Variants in OR8B2 observed in about 807,000 individuals in gnomAD.
OR8B2 encodes olfactory receptor family 8 subfamily B member 2, also known as olfactory receptor 8B2.
For missense variants in OR8B2, 304 were observed against 379.6 expected (o/e 0.80, Z 1.65); for synonymous variants, 98 against 138.2 (o/e 0.71, Z 2.04).
At chr11:124,395,285 C>A in the OR8B2 span, among the ~76,000 whole-genome samples, 2 of 151,764 alleles carry the variant, frequency 1.3e-5, no homozygotes, top group Non-Finnish European at 2.9e-5. Context: ...AAAAACAAAA[C>A]AAAACAAAAC....
At chr11:124,391,586 A>G in the OR8B2 span, among the ~76,000 whole-genome samples, 1 of 152,224 alleles carries the variant, frequency 6.6e-6, no homozygotes, top group Non-Finnish European at 1.5e-5. Context: ...ATCTCTGAAT[A>G]GACCAATAAC....
At chr11:124,397,059 A>G in the OR8B2 span, 1 of 1,613,862 alleles carries the variant, frequency 6.2e-7, no homozygotes. Flanking sequence ...CAGCTGAGTC[A>G]TGCACCCAAC....
At chr11:124,393,313 C>G in the OR8B2 span, among the ~76,000 whole-genome samples, 1 of 147,456 alleles carries the variant, frequency 6.8e-6, no homozygotes, top group Non-Finnish European at 1.5e-5. Flanking sequence ...AAACTACCAT[C>G]AGAATGAACA....
upstream of OR8B2, among the ~76,000 whole-genome samples, chr11:124,386,778 TG>T (rs1429424504): frequency 1.3e-5 from 2 of 152,188 alleles, no homozygotes; most frequent in African/African-American, 4.8e-5. Flanking sequence ...TACCCAGTAA[TG>T]GGATGGCTAG....
the OR8B2 span, among the ~76,000 whole-genome samples, chr11:124,394,509 A>G: frequency 6.6e-6 from 1 of 152,210 alleles, no homozygotes; most frequent in Admixed American, 6.5e-5. Flanking sequence ...ATCTCAGACC[A>G]TAGAGCAGTT....
the OR8B2 span, among the ~76,000 whole-genome samples, chr11:124,389,898 T>C: frequency 1.3e-5 from 2 of 152,122 alleles, no homozygotes; most frequent in East Asian, 3.9e-4. Context: ...TATACAGATA[T>C]TGGAAGGGGG....
the OR8B2 span, chr11:124,396,987 C>T: frequency 2.5e-6 from 4 of 1,613,390 alleles, no homozygotes; most frequent in African/African-American, 2.7e-5. Flanking sequence ...GGCCACATAG[C>T]GATCATATGC....
chr11:124,382,807 A>C lies in OR8B2; in HGVS notation c.537T>G (p.Cys179Trp). 1 of 1,603,656 alleles carries C rather than the reference A, an allele frequency of 6.2e-7. No individual in the cohort carries two copies. The highest frequency in any genetic ancestry group is 8.5e-7 in the Non-Finnish European group (1 of 1,171,444). The change falls in exon 2 of 2, where the codon TGT (cysteine) becomes TGG (tryptophan). Residue 179 changes from cysteine (C) to tryptophan (W), a missense_variant. Coordinates refer to ENST00000641451, the MANE Select transcript of OR8B2 (RefSeq NM_001005468.2). ...CSANIINHYL[C>W]DILPLLQLSC... The stretch of plus-strand genomic sequence containing the variant: ...AAAGCTGGAGGAGGGGGAGTATGTC[A>C]CACAAGTAATGGTTGATGATATTAG...
At chr11:124,396,801 A>AG in the OR8B2 span, 75,939 of 1,609,946 alleles carry the variant, frequency 0.047, 2,369 homozygotes, top group South Asian at 0.1. Flanking sequence ...AAGCTGGAGG[A>AG]GGGGGAGTAT....
At chr11:124,384,854 T>G (rs578050965), upstream of OR8B2, among the ~76,000 whole-genome samples, 307 of 152,328 alleles carry the variant, frequency 2.0e-3, 2 homozygotes, top group African/African-American at 6.9e-3. Context: ...GCCTCTGCTG[T>G]CATGTATAAA....
At chr11:124,383,464 G>A in intron 1 of OR8B2, 104 bp from the exon 2 acceptor site, 2 of 1,046,488 alleles carry the variant, frequency 1.9e-6, no homozygotes, top group Non-Finnish European at 2.8e-6. Context: ...TGAGTTCTTT[G>A]TTTCATGGGA....
rs560637558 is a variant in OR8B2 at position 124,382,966 on chromosome 11, G to C, written c.378C>G (p.Ile126Met). ...TSMAYDRYVA[I>M]CNPLLYKVTM... ...TGACCTTATACAGCAATGGATTACAGATGGCCACATAGCGATCATATGCCA... is the reference window on the plus strand; with the variant it reads ...TGACCTTATACAGCAATGGATTACACATGGCCACATAGCGATCATATGCCA... Residue 126 changes from isoleucine to methionine, a missense_variant, in exon 2 of 2, where the codon ATC (isoleucine) becomes ATG (methionine). Ile to Met is a conservative substitution (Grantham distance 10). Transcript: ENST00000641451. The C allele has an allele frequency of 1.3e-5, 21 of 1,611,854 alleles. No individual in the cohort carries two copies. In the East Asian group the frequency reaches 4.5e-4, roughly 34 times the overall value.
chr11:124,393,319 G>A, the OR8B2 span, among the ~76,000 whole-genome samples: 9 of 147,706 alleles, frequency 6.1e-5, no homozygotes, highest in Admixed American at 3.3e-4. Flanking sequence ...CCATCAGAAT[G>A]AACAGGCAAC....
At chr11:124,389,823 C>G in the OR8B2 span, among the ~76,000 whole-genome samples, 1 of 151,940 alleles carries the variant, frequency 6.6e-6, no homozygotes, top group Admixed American at 6.6e-5. Flanking sequence ...CAGAAAAGAT[C>G]CTGCCAAAAA....
upstream of OR8B2, among the ~76,000 whole-genome samples, chr11:124,389,091 T>G (rs1860745000): frequency 6.6e-6 from 1 of 152,182 alleles, no homozygotes; most frequent in Non-Finnish European, 1.5e-5. Context: ...CCCAAGGTGC[T>G]GGGATTATAG....
rs503220 is a variant in OR8B2, at chr11:124,382,526, G to A, written c.818C>T (p.Ser273Phe). Residue 273 changes from serine to phenylalanine, a missense_variant, in exon 2 of 2, where the codon TCT becomes TTT. By Grantham distance (155) the Ser-to-Phe change is radical. Transcript: ENST00000641451. The part of the protein sequence containing the change: ...SSGSMEQGKV[S>F]SVFYTNVVPM... ...CACCACATTAGTGTAGAAAACAGAA[G>A]AAACTTTTCCCTGCTCCATAGATCC... The A allele has an allele frequency of 0.32, 514,625 of 1,613,118 alleles. 83,411 individuals carry two copies. Among genetic ancestry groups the A allele is most frequent in the African/African-American group, 0.4 (29,646 of 74,760 alleles).
chr11:124,383,661 A>G (rs1258938950), intron 1 of OR8B2, among the ~76,000 whole-genome samples: 11 of 152,270 alleles, frequency 7.2e-5, no homozygotes, highest in Admixed American at 3.3e-4. Flanking sequence ...CATCTCCCTC[A>G]CTTCCATCTG....
At chr11:124,388,605 G>T (rs933712253), upstream of OR8B2, among the ~76,000 whole-genome samples, 1 of 152,040 alleles carries the variant, frequency 6.6e-6, no homozygotes, top group African/African-American at 2.4e-5. Context: ...AGTTGATGAT[G>T]CATGAGGCCT....
upstream of OR8B2, among the ~76,000 whole-genome samples, chr11:124,385,617 CTT>C (rs1860686793): frequency 8.7e-6 from 1 of 115,276 alleles, no homozygotes; most frequent in African/African-American, 3.7e-5. Context: ...TCTTTTTTTT[CTT>C]TTTCTCTCTC....
Sources: allele counts gnomAD v4.1 joint callset (sites outside exome capture counted in the v4.1 genomes callset), GRCh38; gene constraint gnomAD v4.1.1; transcripts MANE v1.5; gene names NCBI Gene and HGNC (gene_info 2026-07-23, HGNC 2026-07-21).